Variants in KIF6 observed in about 807,000 individuals in gnomAD.
KIF6 encodes the protein kinesin-like protein KIF6.
In KIF6, 106 loss-of-function variants were observed where a neutral mutation model predicts 112.7. The ratio of observed to expected loss-of-function variants is 0.94; its 90% CI spans 0.80 to 1.11. The LOEUF (loss-of-function observed/expected upper bound fraction) is 1.11. KIF6 is among the 50% of genes least tolerant of loss of function. The pLI is 0.00. For synonymous variants in KIF6, 339 were observed against 339.9 expected (o/e 1.00, Z 0.03); for missense variants, 929 against 964.0 (o/e 0.96, Z 0.48).
At chr6:39,405,363 CCTT>C (rs1224133331) in intron 15 of KIF6, among the ~76,000 whole-genome samples, 2 of 152,164 alleles carry the variant, frequency 1.3e-5, no homozygotes, top group Non-Finnish European at 2.9e-5. Context: ...AAATAGATGT[CCTT>C]CATCAGGTTG....
intron 7 of KIF6, among the ~76,000 whole-genome samples, chr6:39,594,699 A>T (rs1782149863): frequency 6.6e-6 from 1 of 152,222 alleles, no homozygotes. Context: ...CATCAGTCTC[A>T]GAAGGATTCA....
At chr6:39,435,035 A>C (rs2150387206) in intron 13 of KIF6, among the ~76,000 whole-genome samples, 1 of 152,300 alleles carries the variant, frequency 6.6e-6, no homozygotes, top group East Asian at 1.9e-4. Context: ...ATAGATGAGG[A>C]AACTGAGGCT....
Position 39,376,434 on chromosome 6 carries a change from G to A in KIF6, c.1861+9188C>T, listed in dbSNP as rs1373815785. Among the ~76,000 whole-genome samples, 5 of 152,196 alleles carry A rather than the reference G, an allele frequency of 3.3e-5. No homozygotes were observed. In the South Asian group the frequency reaches 1.0e-3, roughly 31 times the overall value. On this transcript the variant is annotated intron_variant, in intron 16 of 22. Transcript: ENST00000287152. ...CAAGCAGTCAGTGAAGGCCAGCTAA[G>A]CCTCAGGAACTGTGCCCGGCACTGG...
intron 6 of KIF6, among the ~76,000 whole-genome samples, chr6:39,605,269 T>C (rs1364072247): frequency 1.3e-5 from 2 of 152,168 alleles, no homozygotes; most frequent in African/African-American, 2.4e-5. Flanking sequence ...ATCATAATTG[T>C]CTACTCTGTC....
At position 39,431,279 on chromosome 6, in the gene KIF6, ACT is replaced by A; in HGVS notation, c.1646-120_1646-119del. On this transcript the variant is annotated intron_variant, in intron 13 of 22. Coordinates refer to ENST00000287152, the MANE Select transcript of KIF6 (RefSeq NM_145027.6). ...GCTCCAAGAGGCCCACAGCAGAGAG[ACT>A]CTGACCAGACAGGTGGCCCCAGGCT... The A allele has an allele frequency of 9.5e-6, 6 of 631,376 alleles. No individual in the cohort carries two copies. In the South Asian group the frequency reaches 9.6e-5, roughly 10 times the overall value. The allele number at this position is 631,376 out of a possible 1,614,324, so 39.1% of individuals were successfully genotyped here. A position where few individuals can be genotyped will look rare whatever the true frequency, so the allele number is the denominator to read the frequency against.
Position 39,692,071 on chromosome 6 carries a change from C to T in KIF6, c.251+22621G>A, listed in dbSNP as rs369222455. The stretch of plus-strand genomic sequence containing the variant: ...AAAAACATAGATTTCTTCACCTGAA[C>T]GTGGGAGGCGGAGGTTGCAGTGAGC... On this transcript the variant is annotated intron_variant, in intron 3 of 22. Coordinates refer to ENST00000287152, the MANE Select transcript of KIF6 (RefSeq NM_145027.6). 4.6e-5 allele frequency among the ~76,000 whole-genome samples: 7 copies of T among 152,276 alleles called. No homozygotes were observed. In the South Asian group the frequency reaches 6.2e-4, roughly 14 times the overall value.
chr6:39,414,438 T>C (rs1769748288), intron 15 of KIF6, among the ~76,000 whole-genome samples: 1 of 152,208 alleles, frequency 6.6e-6, no homozygotes, highest in Non-Finnish European at 1.5e-5. Flanking sequence ...CACTGAATCC[T>C]ACCACGGCTG....
At chr6:39,665,004 T>C (rs1304770473) in intron 3 of KIF6, among the ~76,000 whole-genome samples, 1 of 152,206 alleles carries the variant, frequency 6.6e-6, no homozygotes, top group Non-Finnish European at 1.5e-5. Context: ...CCCTCATGTA[T>C]AACAATGACA....
intron 13 of KIF6, among the ~76,000 whole-genome samples, chr6:39,532,293 A>G (rs184201494): frequency 1.4e-4 from 22 of 152,200 alleles, no homozygotes; most frequent in African/African-American, 2.7e-4. Context: ...GCAGAGAACT[A>G]GAATAGTACC....
chr6:39,581,626 G>A (rs933971278), intron 9 of KIF6, among the ~76,000 whole-genome samples: 3 of 152,030 alleles, frequency 2.0e-5, no homozygotes, highest in Non-Finnish European at 2.9e-5. Context: ...AAGCGGACAA[G>A]CTGCCCTGAC....
chr6:39,633,710 TG>T (rs1354361781), intron 5 of KIF6, among the ~76,000 whole-genome samples: 3 of 152,228 alleles, frequency 2.0e-5, no homozygotes, highest in Non-Finnish European at 4.4e-5. Flanking sequence ...TTCTCAATGC[TG>T]GTCAGATTGT....
At chr6:39,365,744 A>G (rs909236969) in intron 16 of KIF6, among the ~76,000 whole-genome samples, 1 of 152,202 alleles carries the variant, frequency 6.6e-6, no homozygotes. Context: ...GACACCCCCA[A>G]GAAATTCAGT....
intron 6 of KIF6, among the ~76,000 whole-genome samples, chr6:39,600,744 A>G (rs902398519): frequency 5.3e-5 from 8 of 152,146 alleles, no homozygotes; most frequent in Non-Finnish European, 8.8e-5. Context: ...CTCATCTTCT[A>G]CAGCTCAAAT....
chr6:39,691,252 G>T (rs1788192019), intron 3 of KIF6: 2 of 152,152 alleles, frequency 1.3e-5, no homozygotes, highest in South Asian at 4.1e-4. Flanking sequence ...AGGAAGAAAG[G>T]CTAAGAAAAA....
At chr6:39,617,708 A>T (rs1783594553) in intron 5 of KIF6, 1 of 455,040 alleles carries the variant, frequency 2.2e-6, no homozygotes. Flanking sequence ...GTGCCTTTTA[A>T]TAAGTGACAT....
At chr6:39,510,894 A>AAAAAC (rs1776745588) in intron 13 of KIF6, among the ~76,000 whole-genome samples, 4 of 150,580 alleles carry the variant, frequency 2.7e-5, no homozygotes, top group Admixed American at 6.6e-5. Context: ...AAAAAAAAAA[A>AAAAAC]AAAGCAAGGG....
chr6:39,501,070 C>A (rs1055794698), intron 13 of KIF6, among the ~76,000 whole-genome samples: 2 of 152,104 alleles, frequency 1.3e-5, no homozygotes, highest in African/African-American at 2.4e-5. Flanking sequence ...AGGGAAACAA[C>A]TAGACCCATG....
intron 15 of KIF6, among the ~76,000 whole-genome samples, chr6:39,389,099 G>A (rs1189129428): frequency 6.6e-6 from 1 of 152,174 alleles, no homozygotes. Context: ...ATATGACCGC[G>A]AGCAGGGTAT....
chr6:39,470,500 C>G (rs1396366104), intron 13 of KIF6, among the ~76,000 whole-genome samples: 1 of 152,134 alleles, frequency 6.6e-6, no homozygotes, highest in East Asian at 1.9e-4. Flanking sequence ...TGCCAGTTGA[C>G]TGTCCTCAAG....
Sources: allele counts gnomAD v4.1 joint callset (sites outside exome capture counted in the v4.1 genomes callset), GRCh38; gene constraint gnomAD v4.1.1; transcripts MANE v1.5; gene names NCBI Gene and HGNC (gene_info 2026-07-23, HGNC 2026-07-21).